Variants in TSPAN9 observed in about 807,000 individuals in gnomAD.
TSPAN9 encodes tetraspanin-9.
Under a neutral mutation model 31.0 loss-of-function variants are expected in TSPAN9, and 16 were observed. The ratio of observed to expected loss-of-function variants is 0.52; its 90% CI spans 0.35 to 0.78. TSPAN9 has a LOEUF of 0.78. Ranked by LOEUF, TSPAN9 falls within the 30% of genes least tolerant of loss-of-function variation. The pLI is 0.01. For synonymous variants in TSPAN9, 145 were observed against 121.6 expected (o/e 1.19, Z -1.27); for missense variants, 272 against 312.5 (o/e 0.87, Z 0.98).
intron 3 of TSPAN9, among the ~76,000 whole-genome samples, chr12:3,217,582 ATAT>A (rs1266057842): frequency 2.0e-5 from 3 of 152,140 alleles, no homozygotes; most frequent in African/African-American, 7.2e-5. Flanking sequence ...ACCCCAGACC[ATAT>A]TACTCCCTTT....
chr12:3,274,874 C>T (rs545036373), intron 3 of TSPAN9, among the ~76,000 whole-genome samples: 104 of 152,294 alleles, frequency 6.8e-4, no homozygotes, highest in African/African-American at 2.2e-3. Context: ...TTGTGCCAGG[C>T]GGGAGCTGTG....
At chr12:3,191,175 G>A (rs904600715) in intron 2 of TSPAN9, among the ~76,000 whole-genome samples, 1 of 152,156 alleles carries the variant, frequency 6.6e-6, no homozygotes, top group Non-Finnish European at 1.5e-5. Flanking sequence ...TGGTGGGAGT[G>A]TAGGCCAAGA....
At chr12:3,115,341 T>G (rs7973849) in intron 2 of TSPAN9, among the ~76,000 whole-genome samples, 4 of 152,040 alleles carry the variant, frequency 2.6e-5, no homozygotes, top group African/African-American at 9.7e-5. Flanking sequence ...ATTGACTGAC[T>G]TGTGAGTTAT....
At chr12:3,278,837 C>T (rs1309263404) in intron 4 of TSPAN9, among the ~76,000 whole-genome samples, 155 bp from the exon 5 acceptor site, 3 of 152,198 alleles carry the variant, frequency 2.0e-5, no homozygotes, top group African/African-American at 7.2e-5. Flanking sequence ...TCCTTTATGT[C>T]TCTGTCCTAG....
chr12:3,084,856 C>T (rs1471439666), intron 2 of TSPAN9, among the ~76,000 whole-genome samples: 2 of 152,214 alleles, frequency 1.3e-5, no homozygotes, highest in African/African-American at 4.8e-5. Context: ...TAATGCAGAC[C>T]TGCGGCTGTT....
intron 3 of TSPAN9, among the ~76,000 whole-genome samples, chr12:3,242,269 C>A (rs2098396952): frequency 6.6e-6 from 1 of 152,210 alleles, no homozygotes; most frequent in Non-Finnish European, 1.5e-5. Context: ...GCAAGGAGGC[C>A]CTTGCCAGCA....
At chr12:3,097,925 G>C (rs2098309948) in intron 2 of TSPAN9, among the ~76,000 whole-genome samples, 1 of 152,252 alleles carries the variant, frequency 6.6e-6, no homozygotes, top group Non-Finnish European at 1.5e-5. Flanking sequence ...AGGGAGACAT[G>C]TGAGCACCTC....
chr12:3,197,763 G>C (rs1236694605), intron 2 of TSPAN9, among the ~76,000 whole-genome samples: 9 of 34,824 alleles, frequency 2.6e-4, no homozygotes, highest in Admixed American at 8.5e-4. Flanking sequence ...CAGGTCACCA[G>C]CACAGGCCAC....
At chr12:3,103,025 C>T (rs1220420013) in intron 2 of TSPAN9, among the ~76,000 whole-genome samples, 1 of 152,218 alleles carries the variant, frequency 6.6e-6, no homozygotes, top group East Asian at 1.9e-4. Context: ...CCTACATGTT[C>T]TGCCTCCTAG....
At chr12:3,234,251 C>T (rs2098392198) in intron 3 of TSPAN9, among the ~76,000 whole-genome samples, 1 of 152,194 alleles carries the variant, frequency 6.6e-6, no homozygotes, top group South Asian at 2.1e-4. Context: ...AAATCCTGGC[C>T]ATCCTTTGAT....
chr12:3,135,431 C>T (rs1401511790), intron 2 of TSPAN9, among the ~76,000 whole-genome samples: 1 of 152,146 alleles, frequency 6.6e-6, no homozygotes, highest in Non-Finnish European at 1.5e-5. Context: ...ACACTCCTTC[C>T]TTAATCCCTG....
At chr12:3,227,678 A>G (rs2098388558) in intron 3 of TSPAN9, among the ~76,000 whole-genome samples, 1 of 152,148 alleles carries the variant, frequency 6.6e-6, no homozygotes, top group South Asian at 2.1e-4. Flanking sequence ...CTCACACTCC[A>G]TCTCCACTGG....
At chr12:3,232,283 TC>T (rs1350746725) in intron 3 of TSPAN9, among the ~76,000 whole-genome samples, 1 of 151,532 alleles carries the variant, frequency 6.6e-6, no homozygotes, top group Non-Finnish European at 1.5e-5. Context: ...TTTTTTTTTT[TC>T]CTACAGTGAG....
Position 3,136,971 on chromosome 12 carries a change from T to C in TSPAN9, c.-18+53252T>C, listed in dbSNP as rs115896808. On this transcript the variant is annotated intron_variant, in intron 2 of 8. Coordinates refer to ENST00000011898, the MANE Select transcript of TSPAN9 (RefSeq NM_006675.5). Reference sequence around the variant, plus strand: ...CCCCGTCCAGTCCTGCTGTGAAGGCTTCGGGTGTGGAAGGGCATTGTGTGC... The same window carrying C: ...CCCCGTCCAGTCCTGCTGTGAAGGCCTCGGGTGTGGAAGGGCATTGTGTGC... 5.3e-3 allele frequency among the ~76,000 whole-genome samples: 801 copies of C among 152,238 alleles called. 7 individuals carry two copies. The highest frequency in any genetic ancestry group is 0.018 in the African/African-American group (764 of 41,558).
chr12:3,238,179 C>T (rs1202916176), intron 3 of TSPAN9, among the ~76,000 whole-genome samples: 4 of 152,162 alleles, frequency 2.6e-5, no homozygotes, highest in Admixed American at 6.5e-5. Flanking sequence ...GTAACAGTAC[C>T]GAGGGTCAGA....
intron 2 of TSPAN9, among the ~76,000 whole-genome samples, chr12:3,088,014 C>T (rs1241634607): frequency 6.6e-6 from 1 of 152,190 alleles, no homozygotes. Flanking sequence ...GATCCTGCCT[C>T]AGCAAGTCCC....
At position 3,092,383 on chromosome 12, in the gene TSPAN9, TAA is replaced by T. The variant is rs2098305208; in HGVS notation, c.-18+8665_-18+8666del. ...CTTTTGGCCCAGGTGCTCCGTGTGA[TAA>T]GAGAGCTTTAGCCAAGTGTAAAGTT... On this transcript the variant is annotated intron_variant, in intron 2 of 8. Coordinates refer to ENST00000011898, the MANE Select transcript of TSPAN9 (RefSeq NM_006675.5). Among the ~76,000 whole-genome samples, 7 of 152,336 alleles carry T rather than the reference TAA, an allele frequency of 4.6e-5. 1 individual carries two copies. The South Asian group carries it at 1.5e-3, about 32-fold the overall frequency.
intron 2 of TSPAN9, among the ~76,000 whole-genome samples, chr12:3,194,393 T>C (rs1005416860): frequency 8.5e-5 from 13 of 152,070 alleles, no homozygotes; most frequent in African/African-American, 2.9e-4. Context: ...CTTGTTTTTT[T>C]CTTTTCTTTT....
At chr12:3,219,057 C>G (rs750972940) in intron 3 of TSPAN9, among the ~76,000 whole-genome samples, 1 of 152,270 alleles carries the variant, frequency 6.6e-6, no homozygotes, top group Non-Finnish European at 1.5e-5. Flanking sequence ...AAATACAGAG[C>G]GATGTGCCAG....
Sources: allele counts gnomAD v4.1 joint callset (sites outside exome capture counted in the v4.1 genomes callset), GRCh38; gene constraint gnomAD v4.1.1; transcripts MANE v1.5; gene names NCBI Gene and HGNC (gene_info 2026-07-23, HGNC 2026-07-21).